The following HAPLN1 variants were observed in gnomAD, a reference collection of about 807,000 sequenced individuals.
The protein encoded by HAPLN1 is Cartilage link protein.
In HAPLN1, 13 loss-of-function variants were observed where a neutral mutation model predicts 36.5. The ratio of observed to expected loss-of-function variants is 0.36; its 90% CI spans 0.23 to 0.57. HAPLN1 has a LOEUF of 0.57. HAPLN1 is among the 20% of genes least tolerant of loss of function. The pLI, the probability that HAPLN1 is intolerant of heterozygous loss-of-function variation, is 0.83. For missense variants in HAPLN1, 407 were observed against 439.7 expected (o/e 0.93, Z 0.66); for synonymous variants, 202 against 169.8 (o/e 1.19, Z -1.48).
rs116666296 is a variant in HAPLN1 at position 83,691,119 on chromosome 5, T to C, written c.-26-17570A>G. On this transcript the variant is annotated intron_variant, in intron 1 of 4. Coordinates refer to ENST00000274341, the MANE Select transcript of HAPLN1 (RefSeq NM_001884.4). ...ATTAGAAAACAAATGAGGTGAGTCA[T>C]ATAATTTATTGCCGAAAGAAAGTTT... is the stretch of plus-strand genomic sequence containing the variant. Among the ~76,000 whole-genome samples, 1,492 of 152,172 alleles carry C rather than the reference T, an allele frequency of 9.8e-3. 10 individuals carry two copies. Among genetic ancestry groups the C allele is most frequent in the Non-Finnish European group, 0.015 (1,048 of 67,930 alleles).
chr5:83,641,879 G>A, intron 4 of HAPLN1, 94 bp from the exon 5 acceptor site: 2 of 1,263,450 alleles, frequency 1.6e-6, no homozygotes, highest in Middle Eastern at 2.7e-4. Flanking sequence ...TCTCAATGAA[G>A]GGGGATATAG....
chr5:83,641,317 T>C lies in HAPLN1; in HGVS notation c.*179A>G, dbSNP rs1749685664. On this transcript the variant is annotated 3_prime_UTR_variant, in exon 5 of 5. Coordinates refer to ENST00000274341, the MANE Select transcript of HAPLN1 (RefSeq NM_001884.4). ...AATTTATATTAATTTATAATATATA[T>C]TGAATGATAGCTTTACAAAAAACAA... 2.6e-6 allele frequency: 1 copy of C among 384,710 alleles called. No individual in the cohort carries two copies. The highest frequency in any genetic ancestry group is 4.4e-5 in the East Asian group (1 of 22,480). The allele number at this position is 384,710 out of a possible 1,614,324, so 23.8% of individuals were successfully genotyped here.
At chr5:83,689,884 G>A (rs1751230376) in intron 1 of HAPLN1, among the ~76,000 whole-genome samples, 1 of 152,016 alleles carries the variant, frequency 6.6e-6, no homozygotes, top group Admixed American at 6.6e-5. Flanking sequence ...GATTTATATA[G>A]AATTTTTCCT....
At chr5:83,673,203 G>A (rs1750772623) in intron 2 of HAPLN1, among the ~76,000 whole-genome samples, 1 of 152,146 alleles carries the variant, frequency 6.6e-6, no homozygotes, top group Non-Finnish European at 1.5e-5. Context: ...ACTCACTGCA[G>A]CTGGACATTC....
intron 2 of HAPLN1, among the ~76,000 whole-genome samples, chr5:83,666,405 A>G (rs1750551882): frequency 6.6e-6 from 1 of 152,148 alleles, no homozygotes; most frequent in South Asian, 2.1e-4. Flanking sequence ...GTTTCCAAAC[A>G]ATCATTGGCT....
intron 1 of HAPLN1, among the ~76,000 whole-genome samples, chr5:83,694,709 C>T (rs1221655307): frequency 6.6e-6 from 1 of 151,960 alleles, no homozygotes; most frequent in Admixed American, 6.6e-5. Flanking sequence ...AGCCTGAATG[C>T]CCTATATCTA....
chr5:83,715,515 ACTC>A (rs1398411871), intron 1 of HAPLN1, among the ~76,000 whole-genome samples: 1 of 152,130 alleles, frequency 6.6e-6, no homozygotes, highest in Non-Finnish European at 1.5e-5. Context: ...TGGTTTGTGA[ACTC>A]CTTGAGCCAA....
At chr5:83,704,880 TG>T (rs2112632807) in intron 1 of HAPLN1, among the ~76,000 whole-genome samples, 1 of 152,302 alleles carries the variant, frequency 6.6e-6, no homozygotes, top group East Asian at 1.9e-4. Context: ...ATTTAGGACC[TG>T]AACTCAACAT....
intron 2 of HAPLN1, among the ~76,000 whole-genome samples, chr5:83,663,818 T>C (rs1015102666): frequency 6.6e-6 from 1 of 150,786 alleles, no homozygotes. Flanking sequence ...TTTTTTTTTT[T>C]TCAAATTGGT....
At chr5:83,672,347 A>G (rs1372409903) in intron 2 of HAPLN1, among the ~76,000 whole-genome samples, 1 of 152,246 alleles carries the variant, frequency 6.6e-6, no homozygotes, top group African/African-American at 2.4e-5. Context: ...TATATATTAC[A>G]GAAACAGCTG....
chr5:83,642,423 C>T (rs1749728383), intron 4 of HAPLN1, among the ~76,000 whole-genome samples: 1 of 152,082 alleles, frequency 6.6e-6, no homozygotes, highest in Non-Finnish European at 1.5e-5. Flanking sequence ...TTTTTTTCAA[C>T]TTCCATTTGT....
chr5:83,677,868 T>C (rs1379428947), intron 1 of HAPLN1, among the ~76,000 whole-genome samples: 2 of 152,198 alleles, frequency 1.3e-5, no homozygotes, highest in Admixed American at 1.3e-4. Context: ...CAGAGACAGA[T>C]AAATCCTCCC....
intron 1 of HAPLN1, among the ~76,000 whole-genome samples, chr5:83,708,745 T>C (rs1319595857): frequency 6.6e-6 from 1 of 152,328 alleles, no homozygotes; most frequent in East Asian, 1.9e-4. Flanking sequence ...GAATAAGTAT[T>C]TTACTTACAT....
intron 3 of HAPLN1, among the ~76,000 whole-genome samples, chr5:83,647,225 A>G (rs1018123763): frequency 6.6e-6 from 1 of 152,206 alleles, no homozygotes; most frequent in Admixed American, 6.5e-5. Flanking sequence ...ACATAATTTC[A>G]TACAATCATT....
At chr5:83,657,085 GT>G (rs917893824) in intron 2 of HAPLN1, among the ~76,000 whole-genome samples, 1 of 150,332 alleles carries the variant, frequency 6.7e-6, no homozygotes, top group East Asian at 1.9e-4. Context: ...GTTTGTGTGT[GT>G]TTTTGGTTTT....
At chr5:83,642,528 A>G (rs920823555) in intron 4 of HAPLN1, among the ~76,000 whole-genome samples, 1 of 152,222 alleles carries the variant, frequency 6.6e-6, no homozygotes, top group Non-Finnish European at 1.5e-5. Flanking sequence ...AGATTCCTTC[A>G]ATATGTATTA....
chr5:83,707,407 T>C (rs1420586582), intron 1 of HAPLN1, among the ~76,000 whole-genome samples: 1 of 152,040 alleles, frequency 6.6e-6, no homozygotes, highest in Non-Finnish European at 1.5e-5. Context: ...TGGAACAGAA[T>C]AGAAAGTCCC....
chr5:83,645,499 C>T (rs1749847086), intron 3 of HAPLN1, among the ~76,000 whole-genome samples: 1 of 16,052 alleles, frequency 6.2e-5, no homozygotes, highest in Non-Finnish European at 1.1e-4. Flanking sequence ...TTTAGCTCAT[C>T]AGCTATCATT....
chr5:83,673,475 G>A lies in HAPLN1; in HGVS notation c.49C>T (p.His17Tyr), dbSNP rs756207508. Residue 17 changes from histidine (H) to tyrosine (Y), a missense_variant, in exon 2 of 5, where the codon CAT becomes TAT. Physicochemically the swap from His to Tyr is moderately conservative, Grantham distance 83. Transcript: ENST00000274341. ...TCCAGAGTATAGTTGTCTGAAAGATGATCAGCCCAGCAGATTGAAATCAGC... is the reference window on the plus strand; with the variant it reads ...TCCAGAGTATAGTTGTCTGAAAGATAATCAGCCCAGCAGATTGAAATCAGC... Reference protein sequence around the residue: ...LVLISICWADHLSDNYTLDHD... With the variant: ...LVLISICWADYLSDNYTLDHD... The A allele has an allele frequency of 3.1e-6, 5 of 1,613,636 alleles. No individual in the cohort carries two copies. The highest frequency in any genetic ancestry group is 1.3e-5 in the African/African-American group (1 of 74,912).
Sources: gnomAD v4.1 joint callset for allele counts (sites outside exome capture counted in the v4.1 genomes callset) on GRCh38, gnomAD v4.1.1 for gene constraint, MANE v1.5 for transcripts, NCBI Gene and HGNC (gene_info 2026-07-23, HGNC 2026-07-21) for gene names.